Variants in PHEX observed in about 807,000 individuals in gnomAD.
The protein encoded by PHEX is phosphate-regulating neutral endopeptidase PHEX.
Under a neutral mutation model 68.0 loss-of-function variants are expected in PHEX, and 16 were observed. That is an observed-to-expected ratio of 0.24 (90% CI 0.16 to 0.36). The LOEUF (loss-of-function observed/expected upper bound fraction) is 0.36. PHEX is among the 10% of genes least tolerant of loss of function. The pLI, the probability that PHEX is intolerant of heterozygous loss-of-function variation, is 1.00. For missense variants in PHEX, 480 were observed against 575.5 expected, an observed-to-expected ratio of 0.83 and a Z score of 1.70; for synonymous variants, 208 against 205.1, an observed-to-expected ratio of 1.01 and a Z score of -0.12.
intron 20 of PHEX, among the ~76,000 whole-genome samples, chrX:22,238,077 T>C (rs773993404): frequency 6.3e-5 from 7 of 111,703 alleles, no homozygotes; most frequent in African/African-American, 2.3e-4. Flanking sequence ...AGGAGTTAGT[T>C]AGTTTGAGAC....
At chrX:22,154,140 A>G (rs5951710) in intron 12 of PHEX, among the ~76,000 whole-genome samples, 6,415 of 111,088 alleles carry the variant, frequency 0.058, 467 homozygotes, top group African/African-American at 0.2. Context: ...AAAAATAAAA[A>G]TTAGAAAACA....
intron 1 of PHEX, among the ~76,000 whole-genome samples, chrX:22,035,527 G>T (rs1267106798): frequency 8.9e-6 from 1 of 112,488 alleles, no homozygotes. Context: ...AAATTGGAAT[G>T]TTATATACTT....
At chrX:22,225,789 A>ATTAGT (rs1037896419) in intron 18 of PHEX, among the ~76,000 whole-genome samples, 6 of 112,430 alleles carry the variant, frequency 5.3e-5, no homozygotes, top group Non-Finnish European at 7.5e-5. Context: ...TGTGGGCTGT[A>ATTAGT]TTAGTTTAGA....
At chrX:22,080,319 T>C (rs536168632) in intron 5 of PHEX, among the ~76,000 whole-genome samples, 50 of 112,261 alleles carry the variant, frequency 4.5e-4, no homozygotes, top group Middle Eastern at 4.6e-3. Context: ...AAACTGGTGT[T>C]TGAACATTGT....
intron 3 of PHEX, among the ~76,000 whole-genome samples, chrX:22,053,009 T>A (rs757674198): frequency 2.9e-4 from 32 of 111,698 alleles, no homozygotes; most frequent in African/African-American, 1.0e-3. Context: ...CATAGGGATT[T>A]TGTGAAGATT....
rs199893153 is a variant in PHEX at position 22,097,006 on chromosome X, A to C, written c.901A>C (p.Asn301His). ...CAGCGAGGCCATGTACAACAAAATG[A>C]ACATTTCTGAACTGAGTGCTATGAT... ...RTSEAMYNKM[N>H]ISELSAMIPQ... Residue 301 changes from asparagine (N) to histidine (H), a missense_variant, in exon 8 of 22, where the codon AAC becomes CAC. Coordinates refer to ENST00000379374, the MANE Select transcript of PHEX (RefSeq NM_000444.6). 3.6e-4 allele frequency: 435 copies of C among 1,200,104 alleles called. No homozygotes were observed. The highest frequency in any genetic ancestry group is 6.9e-5 in the Non-Finnish European group (61 of 885,961).
chrX:22,171,600 C>A (rs2269472), intron 13 of PHEX: 40,499 of 108,510 alleles, frequency 0.37, 6,412 homozygotes, highest in African/African-American at 0.59. Flanking sequence ...ACACAGGAGT[C>A]GCAGCTGTGT....
chrX:22,245,971 T>G (rs5904521), intron 21 of PHEX, among the ~76,000 whole-genome samples: 37,389 of 109,468 alleles, frequency 0.34, 4,982 homozygotes, highest in Middle Eastern at 0.4. Context: ...CATGAATGAA[T>G]GGCCACTTTC....
chrX:22,068,634 G>A (rs1478890166), intron 3 of PHEX, among the ~76,000 whole-genome samples: 1 of 112,073 alleles, frequency 8.9e-6, no homozygotes, highest in African/African-American at 3.2e-5. Context: ...GCACAATGGA[G>A]TTATGATATA....
At chrX:22,064,192 C>T (rs769189942) in intron 3 of PHEX, among the ~76,000 whole-genome samples, 13 of 111,573 alleles carry the variant, frequency 1.2e-4, no homozygotes, top group African/African-American at 4.2e-4. Flanking sequence ...AGGTTTGTTA[C>T]GTAGGTAAAC....
intron 12 of PHEX, among the ~76,000 whole-genome samples, chrX:22,147,308 T>C (rs892506914): frequency 6.3e-5 from 7 of 111,186 alleles, no homozygotes; most frequent in African/African-American, 2.3e-4. Context: ...GCTTTCTGTG[T>C]ATATTTTGTG....
chrX:22,058,412 G>A (rs188281754), intron 3 of PHEX, among the ~76,000 whole-genome samples: 68 of 112,456 alleles, frequency 6.0e-4, no homozygotes, highest in African/African-American at 2.2e-3. Context: ...CTTAAGAAAT[G>A]TTCTGCAGCC....
At chrX:22,124,249 A>G (rs1327013920) in intron 11 of PHEX, among the ~76,000 whole-genome samples, 1 of 112,334 alleles carries the variant, frequency 8.9e-6, no homozygotes, top group African/African-American at 3.2e-5. Context: ...GTCAAGTAAC[A>G]TCCAGCAAAA....
chrX:22,215,969 C>T (rs1224738396), intron 16 of PHEX, among the ~76,000 whole-genome samples: 1 of 111,773 alleles, frequency 8.9e-6, no homozygotes, highest in African/African-American at 3.3e-5. Context: ...TTAGAGGCTA[C>T]ACTAGACCAA....
rs766767879 is a variant in PHEX, at chrX:22,224,242, C to G, written c.1900-2201C>G. Among the ~76,000 whole-genome samples the G allele has an allele frequency of 4.5e-5, 5 of 111,845 alleles. No homozygotes were observed. The East Asian group carries it at 1.4e-3, about 31-fold the overall frequency. On this transcript the variant is annotated intron_variant, in intron 18 of 21. Coordinates refer to ENST00000379374, the MANE Select transcript of PHEX (RefSeq NM_000444.6). ...AGGCAATCTGCCCGCCCCAGCCTCC[C>G]GAAGTGCTGGGATTACAGGTGTGAG...
intron 1 of PHEX, among the ~76,000 whole-genome samples, chrX:22,035,999 T>TACACACACACACACACACAC (rs767503875): frequency 2.0e-4 from 15 of 76,773 alleles, no homozygotes; most frequent in South Asian, 6.8e-4. Flanking sequence ...TAATTAATTA[T>TACACACACACACACACACAC]ACACACACAC....
At position 22,249,455 on chromosome X, in the gene PHEX, A is replaced by AAAAAATATATATAT; in HGVS notation, c.*1503_*1504insAAAATATATATATA. ...TTGTGATTCTTTTAAAAAAAAAAAA[A>AAAAAATATATATAT]ATATATATATATATATATATATATA... On this transcript the variant is annotated 3_prime_UTR_variant, in exon 22 of 22. Coordinates refer to ENST00000379374, the MANE Select transcript of PHEX (RefSeq NM_000444.6). 1.2e-3 allele frequency: 46 copies of AAAAAATATATATAT among 39,742 alleles called. No homozygotes were observed. The highest frequency in any genetic ancestry group is 1.6e-3 in the Non-Finnish European group (38 of 24,459). The allele number at this position is 39,742 out of a possible 1,213,427, so 3.3% of individuals were successfully genotyped here.
At chrX:22,179,540 T>TCATAGC (rs200480279) in intron 14 of PHEX, among the ~76,000 whole-genome samples, 10,485 of 109,012 alleles carry the variant, frequency 0.096, 632 homozygotes, top group African/African-American at 0.2. Context: ...CTTTGTGTCC[T>TCATAGC]CATAGCTTAG....
intron 1 of PHEX, among the ~76,000 whole-genome samples, chrX:22,034,389 G>A (rs778590019): frequency 2.7e-5 from 3 of 112,193 alleles, no homozygotes; most frequent in South Asian, 3.7e-4. Flanking sequence ...ACCACTGCAC[G>A]AAACTTTTAC....
Sources: allele counts gnomAD v4.1 joint callset (sites outside exome capture counted in the v4.1 genomes callset), GRCh38; gene constraint gnomAD v4.1.1; transcripts MANE v1.5; gene names NCBI Gene and HGNC (gene_info 2026-07-23, HGNC 2026-07-21).